LRGUK: variants seen among roughly 807,000 people sequenced by gnomAD.
The protein encoded by LRGUK is leucine rich repeats and guanylate kinase domain containing.
A neutral mutation model predicts 76.0 loss-of-function variants in LRGUK; 65 were observed. The ratio of observed to expected loss-of-function variants is 0.85; its 90% confidence interval spans 0.70 to 1.05. The LOEUF (loss-of-function observed/expected upper bound fraction) is 1.05. Ranked by LOEUF, LRGUK falls within the 50% of genes least tolerant of loss-of-function variation. The pLI is 0.00. For missense variants in LRGUK, 758 were observed against 732.8 expected (o/e 1.03, Z -0.40); for synonymous variants, 268 against 265.6 (o/e 1.01, Z -0.09).
chr7:134,189,410 C>T (rs939341605), intron 11 of LRGUK, among the ~76,000 whole-genome samples: 3 of 152,000 alleles, frequency 2.0e-5, no homozygotes, highest in Admixed American at 6.6e-5. Flanking sequence ...GCATATAACA[C>T]GGTGAACATT....
intron 12 of LRGUK, 52 bp downstream of exon 12, chr7:134,191,803 C>CA (rs766304648): frequency 3.4e-6 from 4 of 1,176,830 alleles, no homozygotes; most frequent in Middle Eastern, 2.0e-4. Context: ...CGTTCTCTGG[C>CA]AAAAATGTTA....
At chr7:134,224,152 G>C (rs1436479520) in intron 16 of LRGUK, among the ~76,000 whole-genome samples, 1 of 152,148 alleles carries the variant, frequency 6.6e-6, no homozygotes, top group Non-Finnish European at 1.5e-5. Flanking sequence ...TTCAAATACA[G>C]CATCAGTTCT....
intron 6 of LRGUK, among the ~76,000 whole-genome samples, chr7:134,162,826 C>CAAAAAAA (rs11445116): frequency 4.9e-5 from 3 of 61,178 alleles, no homozygotes; most frequent in African/African-American, 1.3e-4. Context: ...GACTCCTTCT[C>CAAAAAAA]AAAAAAAAAA....
At chr7:134,210,248 C>T (rs62465769) in exon 16 of LRGUK, 7,658 of 398,984 alleles carry the variant, frequency 0.019, 109 homozygotes, top group Non-Finnish European at 0.025. Context: ...TGTTTCTTGT[C>T]TAAGCTAGTA....
chr7:134,263,710 T>G, intron 19 of LRGUK, 135 bp from the exon 20 acceptor site: 1 of 767,556 alleles, frequency 1.3e-6, no homozygotes, highest in Non-Finnish European at 1.9e-6. Context: ...CCACTGCACC[T>G]GGCCTCATTT....
chr7:134,185,094 G>A (rs537490436), intron 11 of LRGUK, among the ~76,000 whole-genome samples: 2 of 152,274 alleles, frequency 1.3e-5, no homozygotes, highest in South Asian at 2.1e-4. Context: ...CTTCAGGTTA[G>A]CATTCAATAC....
chr7:134,162,146 C>G (rs1460581730), intron 6 of LRGUK, among the ~76,000 whole-genome samples: 2 of 152,138 alleles, frequency 1.3e-5, no homozygotes, highest in Non-Finnish European at 2.9e-5. Context: ...CAAGCCACCC[C>G]AGTTGTAGTG....
chr7:134,197,171 G>A, intron 13 of LRGUK, 66 bp downstream of exon 13: 2 of 620,658 alleles, frequency 3.2e-6, no homozygotes, highest in Admixed American at 2.4e-5. Flanking sequence ...GTGTGTATGT[G>A]TGTGTGTGTG....
chr7:134,272,672 C>T, the LRGUK span, among the ~76,000 whole-genome samples: 26 of 152,008 alleles, frequency 1.7e-4, no homozygotes, highest in Admixed American at 1.7e-3. Flanking sequence ...AACATGACAT[C>T]AAAGTATATA....
rs146593955 is a variant in LRGUK at position 134,163,326 on chromosome 7, A to T, written c.796-71A>T. 5.6e-4 allele frequency: 801 copies of T among 1,424,130 alleles called. 19 individuals carry two copies. In the East Asian group the frequency reaches 0.018, roughly 32 times the overall value. The allele number at this position is 1,424,130 out of a possible 1,614,324, so 88.2% of individuals were successfully genotyped here. ...AGAGAGATTTGGGTCAGTATCCCAAATGAAAACTTGCCATTACAACTTTTC... is the reference window on the plus strand; with the variant it reads ...AGAGAGATTTGGGTCAGTATCCCAATTGAAAACTTGCCATTACAACTTTTC... On this transcript the variant is annotated intron_variant, in intron 6 of 15. Coordinates refer to ENST00000645682, the Ensembl canonical transcript of LRGUK.
intron 16 of LRGUK, among the ~76,000 whole-genome samples, chr7:134,235,200 T>C (rs55842717): frequency 0.085 from 12,892 of 152,252 alleles, 974 homozygotes; most frequent in East Asian, 0.4. Context: ...CTCAGTGTCT[T>C]TCAGTTTCCT....
chr7:134,204,927 G>C (rs1025098746), intron 15 of LRGUK, among the ~76,000 whole-genome samples: 1 of 152,172 alleles, frequency 6.6e-6, no homozygotes, highest in Non-Finnish European at 1.5e-5. Context: ...CAGTGGGTTC[G>C]TGGTCTTGCT....
chr7:134,182,396 G>T (rs984722494), intron 10 of LRGUK, among the ~76,000 whole-genome samples: 1 of 152,146 alleles, frequency 6.6e-6, no homozygotes, highest in Non-Finnish European at 1.5e-5. Context: ...GGGTTCACTT[G>T]CTCTCAGATC....
intron 15 of LRGUK, among the ~76,000 whole-genome samples, chr7:134,217,021 C>T (rs1054041109): frequency 6.6e-6 from 1 of 152,144 alleles, no homozygotes; most frequent in Non-Finnish European, 1.5e-5. Context: ...ATCATTGCTA[C>T]CTCTTTTCTT....
At chr7:134,220,579 C>CTT (rs202144898) in intron 15 of LRGUK, among the ~76,000 whole-genome samples, 14 of 145,110 alleles carry the variant, frequency 9.6e-5, no homozygotes, top group East Asian at 4.0e-4. Context: ...TCTTCTTCTT[C>CTT]TTTTTTTTTT....
chr7:134,263,803 A>G (rs1475178687), intron 19 of LRGUK, 42 bp from the exon 20 acceptor site: 1 of 1,563,800 alleles, frequency 6.4e-7, no homozygotes, highest in Admixed American at 1.9e-5. Flanking sequence ...TTGTACCAAG[A>G]AACCAAGGGA....
chr7:134,212,834 A>G (rs1336008941), downstream of LRGUK, among the ~76,000 whole-genome samples: 1 of 152,196 alleles, frequency 6.6e-6, no homozygotes, highest in East Asian at 1.9e-4. Context: ...TAATAACACC[A>G]TGTGATTAGG....
intron 5 of LRGUK, among the ~76,000 whole-genome samples, chr7:134,155,845 A>G (rs1798433172): frequency 6.6e-6 from 1 of 152,210 alleles, no homozygotes. Context: ...TATGGAGGCA[A>G]AATGTTTTTG....
intron 4 of LRGUK, among the ~76,000 whole-genome samples, chr7:134,148,027 A>C (rs1467041373): frequency 6.9e-6 from 1 of 145,596 alleles, no homozygotes; most frequent in African/African-American, 2.6e-5. Flanking sequence ...ACACCACTGC[A>C]CTCCAGCCTG....
Sources: allele counts gnomAD v4.1 joint callset (sites outside exome capture counted in the v4.1 genomes callset), GRCh38; gene constraint gnomAD v4.1.1; transcripts MANE v1.5; gene names NCBI Gene and HGNC (gene_info 2026-07-23, HGNC 2026-07-21).